Variants in UNC45A observed in about 807,000 individuals in gnomAD.
UNC45A encodes the protein unc-45 myosin chaperone A.
UNC45A carries 78 observed loss-of-function variants against 103.2 expected under a neutral mutation model. The ratio of observed to expected loss-of-function variants is 0.76; its 90% confidence interval spans 0.63 to 0.91. UNC45A has a LOEUF of 0.91. UNC45A is among the 40% of genes least tolerant of loss of function. UNC45A has a pLI of 0.00. For missense variants in UNC45A, 1,193 were observed against 1,224.8 expected, an observed-to-expected ratio of 0.97 and a Z score of 0.39; for synonymous variants, 495 against 504.6, an observed-to-expected ratio of 0.98 and a Z score of 0.25.
intron 2 of UNC45A, 91 bp downstream of exon 2, chr15:90,935,796 TC>T (rs1302992690): frequency 6.6e-7 from 1 of 1,525,558 alleles, no homozygotes; most frequent in Non-Finnish European, 8.8e-7. Context: ...ACATTCACGC[TC>T]CCAGGCCATC....
At position 90,952,957 on chromosome 15, in the gene UNC45A, C is replaced by T; in HGVS notation, c.2332C>T (p.Pro778Ser). The stretch of plus-strand genomic sequence containing the variant: ...GAAGATCCTGAAGGAGAAGGCTGTG[C>T]CCATGATAGAAGGCTACATGTTTGA... The part of the protein sequence containing the change: ...RQKILKEKAV[P>S]MIEGYMFEEH... Residue 778 changes from proline (P) to serine (S), a missense_variant, in exon 18 of 20, where the codon CCC becomes TCC. Physicochemically the swap from Pro to Ser is moderately conservative, Grantham distance 74 (BLOSUM62 -1). Transcript: ENST00000418476. 6.2e-7 allele frequency: 1 copy of T among 1,613,274 alleles called. No individual in the cohort carries two copies.
rs570604146 is a variant in UNC45A at position 90,939,911 on chromosome 15, C to T, written c.519+88C>T. ...CGAAGCCACTGCTGCCTTGCTCTGC[C>T]GCTCCTCCAATCGTGCAGCTGGGCT... is the stretch of plus-strand genomic sequence containing the variant. On this transcript the variant is annotated intron_variant, in intron 5 of 19. Transcript: ENST00000418476. 435 of 1,243,970 alleles carry T rather than the reference C, an allele frequency of 3.5e-4. 4 individuals carry two copies. Among genetic ancestry groups the T allele is most frequent in the South Asian group, 2.9e-3 (215 of 74,690 alleles). The allele number at this position is 1,243,970 out of a possible 1,614,324, so 77.1% of individuals were successfully genotyped here. A position where few individuals can be genotyped will look rare whatever the true frequency, so the allele number is the denominator to read the frequency against.
chr15:90,952,727 G>C, intron 17 of UNC45A: 1 of 578,832 alleles, frequency 1.7e-6, no homozygotes, highest in Non-Finnish European at 3.1e-6. Context: ...GCCCGGCCGA[G>C]ATGCCACGCA....
intron 6 of UNC45A, 70 bp downstream of exon 6, chr15:90,940,543 A>C (rs1596218015): frequency 6.5e-7 from 1 of 1,539,228 alleles, no homozygotes; most frequent in East Asian, 2.3e-5. Flanking sequence ...TCCTCCATCC[A>C]CCCATCTGTC....
rs759310809 is a variant in UNC45A at position 90,940,444 on chromosome 15, G to A, written c.658G>A (p.Val220Ile). ...CATGCTGGCGGCTCTGCGTACGCTG[G>A]TTGGCATTTGCTCTGAGCATCAGTC... ...DLMLAALRTLVGICSEHQSRT... is the reference protein window; with the variant it reads ...DLMLAALRTLIGICSEHQSRT... The change falls in exon 6 of 20, where the codon GTT becomes ATT. Residue 220 changes from valine (V) to isoleucine (I), a missense_variant. Transcript: ENST00000418476. 3 of 1,613,756 alleles carry A rather than the reference G, an allele frequency of 1.9e-6. No individual in the cohort carries two copies. The highest frequency in any genetic ancestry group is 2.7e-5 in the African/African-American group (2 of 74,890).
At chr15:90,933,953 C>A (rs2035893201), upstream of UNC45A, 1 of 398,078 alleles carries the variant, frequency 2.5e-6, no homozygotes, top group East Asian at 3.6e-5. Context: ...GGGGCTTTGA[C>A]TTTTATTTCC....
intron 12 of UNC45A, 78 bp from the exon 13 acceptor site, chr15:90,948,576 G>A (rs1398559848): frequency 3.2e-6 from 5 of 1,563,374 alleles, no homozygotes; most frequent in Non-Finnish European, 4.4e-6. Flanking sequence ...TGGAATTGGG[G>A]GCCTGGGCCT....
intron 16 of UNC45A, 45 bp from the exon 17 acceptor site, chr15:90,950,455 G>A (rs747816331): frequency 2.5e-6 from 4 of 1,598,232 alleles, no homozygotes; most frequent in African/African-American, 1.3e-5. Flanking sequence ...TGGGGCTTGT[G>A]GGGGCTGCGG....
rs903169655 is a variant in UNC45A at position 90,950,182 on chromosome 15, C to T, written c.2102C>T (p.Thr701Met). 2.8e-5 allele frequency: 43 copies of T among 1,551,538 alleles called. No individual in the cohort carries two copies. Among genetic ancestry groups the T allele is most frequent in the Admixed American group, 1.2e-4 (6 of 50,982 alleles). The change falls in exon 16 of 20, where the codon ACG becomes ATG. Residue 701 changes from threonine to methionine, a missense_variant. Coordinates refer to ENST00000418476, the MANE Select transcript of UNC45A (RefSeq NM_018671.5). ...RALIPLALEG[T>M]DVGQTKAAQA... ...CTGATCCCGCTGGCCCTGGAAGGCACGGACGTGGGGCAGACAAAGGCAGCC... is the reference window on the plus strand; with the variant it reads ...CTGATCCCGCTGGCCCTGGAAGGCATGGACGTGGGGCAGACAAAGGCAGCC...
In UNC45A at chr15:90,947,903, G is replaced by T. The variant is rs577807300; in HGVS notation, c.1595+13G>T. Reference sequence around the variant, plus strand: ...AGCAGTGTCGAAAGTGAGTCATCTGGCCTTGCTGTGGTTCCCCACCTGTGG... The same window carrying T: ...AGCAGTGTCGAAAGTGAGTCATCTGTCCTTGCTGTGGTTCCCCACCTGTGG... On this transcript the variant is annotated intron_variant, in intron 11 of 19. Coordinates refer to ENST00000418476, the MANE Select transcript of UNC45A (RefSeq NM_018671.5). The T allele has an allele frequency of 5.0e-6, 8 of 1,610,914 alleles. No homozygotes were observed. Among genetic ancestry groups the T allele is most frequent in the Admixed American group, 3.3e-5 (2 of 59,966 alleles).
chr15:90,944,910 A>T lies in UNC45A; in HGVS notation c.1046A>T (p.Glu349Val), dbSNP rs1285385000. Residue 349 changes from glutamate to valine, a missense_variant, in exon 9 of 20, where the codon GAA becomes GTA. Glu to Val is a moderately radical substitution (Grantham distance 121, BLOSUM62 -2). Coordinates refer to ENST00000418476, the MANE Select transcript of UNC45A (RefSeq NM_018671.5). ...VIDQGLKKILEVGGSLQDPPG... is the reference protein window; with the variant it reads ...VIDQGLKKILVVGGSLQDPPG... ...TTTACAGGTCTGAAAAAGATTTTGG[A>T]AGTGGGGGGCTCTCTACAGGACCCT... The T allele has an allele frequency of 6.2e-7, 1 of 1,612,034 alleles. No homozygotes were observed. The highest frequency in any genetic ancestry group is 1.1e-5 in the South Asian group (1 of 90,994).
At chr15:90,950,406 A>G (rs2036835042) in intron 16 of UNC45A, 94 bp from the exon 17 acceptor site, 15 of 1,471,892 alleles carry the variant, frequency 1.0e-5, no homozygotes, top group East Asian at 2.4e-5. Flanking sequence ...CTGAGACAGC[A>G]GTACTCTCTT....
upstream of UNC45A, chr15:90,931,537 G>A (rs768784013): frequency 1.4e-5 from 22 of 1,613,996 alleles, no homozygotes; most frequent in Admixed American, 3.5e-4. Flanking sequence ...CTTCCCCTTG[G>A]CCCAGCTATT....
At chr15:90,952,424 CTTTT>C in intron 17 of UNC45A, 1 of 146,612 alleles carries the variant, frequency 6.8e-6, no homozygotes, top group Admixed American at 6.7e-5. Context: ...GTGCCACACA[CTTTT>C]TTTTTTTTTG....
rs1457987787 is a variant in UNC45A at position 90,936,434 on chromosome 15, A to C, written c.400A>C (p.Asn134His). The change falls in exon 4 of 20, where the codon AAC becomes CAC. Residue 134 changes from asparagine (N) to histidine (H), a missense_variant. By Grantham distance (68) the Asn-to-His change is moderately conservative. Coordinates refer to ENST00000418476, the MANE Select transcript of UNC45A (RefSeq NM_018671.5). Reference protein sequence around the residue: ...KNKVFQEALRNIGGQIQEKVR... With the variant: ...KNKVFQEALRHIGGQIQEKVR... ...CAAAGTTTTCCAGGAGGCCTTGCGG[A>C]ACATCGGGGGCCAGATTCAGGAGAA... is the stretch of plus-strand genomic sequence containing the variant. 1.9e-6 allele frequency: 3 copies of C among 1,614,156 alleles called. No homozygotes were observed. The South Asian group carries it at 3.3e-5, about 18-fold the overall frequency.
chr15:90,932,169 G>C (rs1308114246), upstream of UNC45A: 9 of 1,526,600 alleles, frequency 5.9e-6, no homozygotes, highest in African/African-American at 9.6e-5. Context: ...GCGGTGTGTT[G>C]TGGGTTTTGG....
At chr15:90,934,654 G>T (rs998186253), upstream of UNC45A, 6 of 398,236 alleles carry the variant, frequency 1.5e-5, no homozygotes, top group Non-Finnish European at 2.7e-5. Flanking sequence ...TTACAGACTA[G>T]TGAAGGGACA....
intron 8 of UNC45A, 137 bp from the exon 9 acceptor site, chr15:90,944,755 G>A (rs989661152): frequency 2.0e-5 from 21 of 1,024,922 alleles, no homozygotes; most frequent in Middle Eastern, 3.4e-4. Flanking sequence ...CAGATTCTCC[G>A]GGCTGCCCTG....
chr15:90,944,471 C>T (rs914755758), intron 8 of UNC45A, among the ~76,000 whole-genome samples: 19 of 151,754 alleles, frequency 1.3e-4, no homozygotes, highest in African/African-American at 3.9e-4. Flanking sequence ...GTGTGGATAT[C>T]GTGTTCACAG....
Sources: gnomAD v4.1 joint callset for allele counts (sites outside exome capture counted in the v4.1 genomes callset) on GRCh38, gnomAD v4.1.1 for gene constraint, MANE v1.5 for transcripts, NCBI Gene and HGNC (gene_info 2026-07-23, HGNC 2026-07-21) for gene names.